The following ASIC2 variants were observed in gnomAD, a reference collection of about 807,000 sequenced individuals.
The protein encoded by ASIC2 is acid sensing ion channel subunit 2.
In ASIC2, 25 loss-of-function variants were observed where a neutral mutation model predicts 57.3. The ratio of observed to expected loss-of-function variants is 0.44; its 90% CI spans 0.32 to 0.61. ASIC2 has a LOEUF of 0.61. Ranked by LOEUF, ASIC2 falls within the 20% of genes least tolerant of loss-of-function variation. The pLI is 0.06. For synonymous variants in ASIC2, 319 were observed against 307.5 expected, an observed-to-expected ratio of 1.04 and a Z score of -0.39; for missense variants, 641 against 738.1, an observed-to-expected ratio of 0.87 and a Z score of 1.52.
intron 1 of ASIC2, among the ~76,000 whole-genome samples, chr17:33,165,841 A>AT: frequency 6.6e-6 from 1 of 152,236 alleles, no homozygotes; most frequent in South Asian, 2.1e-4. Context: ...CTGTAGACTA[A>AT]TTTTAGACTT....
intron 1 of ASIC2, among the ~76,000 whole-genome samples, chr17:33,578,036 C>T (rs1050088461): frequency 6.6e-5 from 10 of 152,194 alleles, no homozygotes; most frequent in Non-Finnish European, 1.5e-4. Context: ...GACTCAAGGA[C>T]TGTACTTTCT....
At chr17:33,845,552 C>T (rs1037260787) in intron 1 of ASIC2, among the ~76,000 whole-genome samples, 1 of 152,056 alleles carries the variant, frequency 6.6e-6, no homozygotes, top group Non-Finnish European at 1.5e-5. Flanking sequence ...TTAGGCTGTT[C>T]ATTGAATCTC....
intron 1 of ASIC2, among the ~76,000 whole-genome samples, chr17:33,768,456 C>T (rs190766312): frequency 6.6e-6 from 1 of 152,238 alleles, no homozygotes; most frequent in African/African-American, 2.4e-5. Flanking sequence ...AATCTACAAA[C>T]AAGCATATAA....
At chr17:33,331,287 A>G (rs1236179232) in intron 1 of ASIC2, among the ~76,000 whole-genome samples, 2 of 152,186 alleles carry the variant, frequency 1.3e-5, no homozygotes, top group Non-Finnish European at 2.9e-5. Flanking sequence ...ATGGTTGGGG[A>G]TCGCTGCTTT....
chr17:34,142,373 C>T (rs1019124559), intron 1 of ASIC2, among the ~76,000 whole-genome samples: 1 of 152,120 alleles, frequency 6.6e-6, no homozygotes, highest in Non-Finnish European at 1.5e-5. Flanking sequence ...GACAGAAATA[C>T]ATATAGTGCT....
intron 1 of ASIC2, among the ~76,000 whole-genome samples, chr17:33,675,742 T>C (rs954777980): frequency 1.3e-5 from 2 of 152,112 alleles, no homozygotes; most frequent in Non-Finnish European, 2.9e-5. Context: ...GGGCTAATTT[T>C]TGTATTTTTC....
intron 1 of ASIC2, among the ~76,000 whole-genome samples, chr17:33,504,980 C>T (rs1914207157): frequency 1.3e-5 from 2 of 152,194 alleles, no homozygotes; most frequent in East Asian, 3.9e-4. Flanking sequence ...GCTGCTGCTA[C>T]AAGGCATGGC....
chr17:33,213,175 C>T (rs931363354), intron 1 of ASIC2, among the ~76,000 whole-genome samples: 6 of 152,324 alleles, frequency 3.9e-5, no homozygotes, highest in African/African-American at 1.4e-4. Flanking sequence ...ATAACAATCC[C>T]ACAGGGGGAA....
chr17:33,838,781 C>G (rs868651106), intron 1 of ASIC2, among the ~76,000 whole-genome samples: 1 of 152,102 alleles, frequency 6.6e-6, no homozygotes, highest in South Asian at 2.1e-4. Context: ...TTAAAAATAC[C>G]AATGTCTGCC....
chr17:34,056,286 T>C (rs761753183), intron 1 of ASIC2, among the ~76,000 whole-genome samples: 7 of 152,220 alleles, frequency 4.6e-5, no homozygotes, highest in Non-Finnish European at 7.3e-5. Context: ...AGCCTGCAGC[T>C]TGGGAAAGAG....
At chr17:34,068,345 C>G (rs1163216763) in intron 1 of ASIC2, among the ~76,000 whole-genome samples, 1 of 152,134 alleles carries the variant, frequency 6.6e-6, no homozygotes, top group African/African-American at 2.4e-5. Flanking sequence ...ACTTTCAGTG[C>G]TAATAGAAAA....
Position 33,659,238 on chromosome 17 carries a change from G to T in ASIC2, c.555+496740C>A, listed in dbSNP as rs143188300. 2.8e-3 allele frequency among the ~76,000 whole-genome samples: 423 copies of T among 152,204 alleles called. 5 individuals carry two copies. The highest frequency in any genetic ancestry group is 9.9e-3 in the African/African-American group (411 of 41,544). On this transcript the variant is annotated intron_variant, in intron 1 of 9. Coordinates refer to the ASIC2 transcript ENST00000359872. Reference sequence around the variant, plus strand: ...CCTTGAAGCATATCATTACATTACGGTTGCTTTGCCTGACTCGAGATCCTC... The same window carrying T: ...CCTTGAAGCATATCATTACATTACGTTTGCTTTGCCTGACTCGAGATCCTC...
chr17:33,468,608 A>G (rs1912937696), intron 1 of ASIC2, among the ~76,000 whole-genome samples: 1 of 152,008 alleles, frequency 6.6e-6, no homozygotes, highest in Non-Finnish European at 1.5e-5. Flanking sequence ...CTCTTCACAT[A>G]TTATCTCATT....
At chr17:33,210,057 C>T (rs1008015184) in intron 1 of ASIC2, among the ~76,000 whole-genome samples, 16 of 152,082 alleles carry the variant, frequency 1.1e-4, no homozygotes, top group Middle Eastern at 3.2e-3. Context: ...CAGCAAATGC[C>T]CCCACCCACT....
intron 1 of ASIC2, among the ~76,000 whole-genome samples, chr17:33,420,085 A>G (rs16968321): frequency 0.11 from 16,064 of 152,234 alleles, 925 homozygotes; most frequent in Middle Eastern, 0.14. Flanking sequence ...ATGTAAATGC[A>G]TTATCATAAG....
intron 1 of ASIC2, among the ~76,000 whole-genome samples, chr17:33,685,104 T>C (rs1010177985): frequency 6.6e-6 from 1 of 152,174 alleles, no homozygotes; most frequent in Non-Finnish European, 1.5e-5. Context: ...CACGTTCTGG[T>C]TCCCCCTGGG....
intron 1 of ASIC2, among the ~76,000 whole-genome samples, chr17:33,673,423 C>A (rs1293345689): frequency 6.6e-6 from 1 of 152,136 alleles, no homozygotes; most frequent in Admixed American, 6.5e-5. Flanking sequence ...GGCTGCCTTC[C>A]AGAGCAGTGA....
intron 1 of ASIC2, among the ~76,000 whole-genome samples, chr17:33,823,088 T>C (rs2141894334): frequency 6.6e-6 from 1 of 152,172 alleles, no homozygotes; most frequent in East Asian, 1.9e-4. Flanking sequence ...CTTGGAGAAA[T>C]AGTGGCTGTG....
At chr17:33,128,952 A>G (rs1412605612) in intron 1 of ASIC2, among the ~76,000 whole-genome samples, 1 of 152,216 alleles carries the variant, frequency 6.6e-6, no homozygotes, top group African/African-American at 2.4e-5. Flanking sequence ...CCATCCCTAA[A>G]GAGTGGGACT....
Sources: allele counts gnomAD v4.1 joint callset (sites outside exome capture counted in the v4.1 genomes callset), GRCh38; gene constraint gnomAD v4.1.1; transcripts MANE v1.5; gene names NCBI Gene and HGNC (gene_info 2026-07-23, HGNC 2026-07-21).